Variants in PDE7B observed in about 807,000 individuals in gnomAD.
PDE7B encodes 3',5'-cyclic-AMP phosphodiesterase 7B.
Under a neutral mutation model 56.2 loss-of-function variants are expected in PDE7B, and 29 were observed. The ratio of observed to expected loss-of-function variants is 0.52; its 90% confidence interval spans 0.38 to 0.70. The LOEUF (loss-of-function observed/expected upper bound fraction) is 0.70. Ranked by LOEUF, PDE7B falls within the 30% of genes least tolerant of loss-of-function variation. The pLI, the probability that PDE7B is intolerant of heterozygous loss-of-function variation, is 0.00. For missense variants in PDE7B, 490 were observed against 565.0 expected, an observed-to-expected ratio of 0.87 and a Z score of 1.35; for synonymous variants, 197 against 196.9, an observed-to-expected ratio of 1.00 and a Z score of 0.00.
chr6:136,051,854 T>TA lies in PDE7B; in HGVS notation c.83-56876dup, dbSNP rs1270199247. Reference sequence around the variant, plus strand: ...CCATTGCCCACCACAACAATATACTTACGGGCTGGTTAGATATAAATGATA... The same window carrying TA: ...CCATTGCCCACCACAACAATATACTTAACGGGCTGGTTAGATATAAATGATA... On this transcript the variant is annotated intron_variant, in intron 2 of 12. Transcript: ENST00000308191. 2.6e-5 allele frequency among the ~76,000 whole-genome samples: 4 copies of TA among 152,226 alleles called. No individual in the cohort carries two copies. In the East Asian group the frequency reaches 7.7e-4, roughly 29 times the overall value.
intron 1 of PDE7B, among the ~76,000 whole-genome samples, chr6:135,860,194 C>A (rs745796825): frequency 3.3e-5 from 5 of 151,950 alleles, no homozygotes; most frequent in Non-Finnish European, 4.4e-5. Context: ...ACTTTAAAGG[C>A]AAGGAAATTG....
At chr6:136,079,270 TCTGG>T (rs1237622675) in intron 2 of PDE7B, among the ~76,000 whole-genome samples, 1 of 152,188 alleles carries the variant, frequency 6.6e-6, no homozygotes, top group African/African-American at 2.4e-5. Context: ...ATGGCAGTAC[TCTGG>T]CTTTGTTCTC....
chr6:136,007,201 T>A (rs565822293), intron 2 of PDE7B, among the ~76,000 whole-genome samples: 2 of 152,228 alleles, frequency 1.3e-5, no homozygotes, highest in Non-Finnish European at 2.9e-5. Flanking sequence ...GTTTATGTAA[T>A]GCATCACATT....
At chr6:135,978,335 T>C (rs1775228288) in intron 2 of PDE7B, among the ~76,000 whole-genome samples, 1 of 152,104 alleles carries the variant, frequency 6.6e-6, no homozygotes, top group Non-Finnish European at 1.5e-5. Flanking sequence ...TTACCGTAAA[T>C]GGAGCTTGCA....
At position 136,148,653 on chromosome 6, in the gene PDE7B, A is replaced by C. The variant is rs773787227; in HGVS notation, c.319-434A>C. The stretch of plus-strand genomic sequence containing the variant: ...TGTTTGCTTGTTTGTTGAGAGGAGA[A>C]CAAGCCTTAACTTCCCCAGCCCTGG... On this transcript the variant is annotated intron_variant, in intron 4 of 12. Coordinates refer to ENST00000308191, the MANE Select transcript of PDE7B (RefSeq NM_018945.4). Among the ~76,000 whole-genome samples, 38 of 152,194 alleles carry C rather than the reference A, an allele frequency of 2.5e-4. 1 individual carries two copies. The highest frequency in any genetic ancestry group is 4.7e-4 in the Non-Finnish European group (32 of 67,992).
intron 1 of PDE7B, among the ~76,000 whole-genome samples, chr6:135,860,539 G>A (rs910580134): frequency 2.0e-5 from 3 of 151,950 alleles, no homozygotes; most frequent in African/African-American, 4.8e-5. Flanking sequence ...ATAATTTGGC[G>A]ACATTCAGTA....
chr6:136,091,064 G>A (rs949942565), intron 2 of PDE7B, among the ~76,000 whole-genome samples: 2 of 152,154 alleles, frequency 1.3e-5, no homozygotes, highest in African/African-American at 2.4e-5. Flanking sequence ...ATTTGCTTTT[G>A]CCTCATGTGT....
At chr6:136,178,250 G>T (rs1316191803) in intron 9 of PDE7B, among the ~76,000 whole-genome samples, 2 of 152,068 alleles carry the variant, frequency 1.3e-5, no homozygotes, top group African/African-American at 2.4e-5. Context: ...TGGTTACAAG[G>T]TGTTCATTTT....
chr6:136,189,247 C>G (rs1321906103), intron 12 of PDE7B, among the ~76,000 whole-genome samples: 2 of 152,090 alleles, frequency 1.3e-5, no homozygotes, highest in South Asian at 2.1e-4. Flanking sequence ...GCTTCCCTCT[C>G]TCTACCAAAT....
In PDE7B at chr6:136,048,756, C is replaced by T. The variant is rs73564626; in HGVS notation, c.83-59975C>T. Among the ~76,000 whole-genome samples the T allele has an allele frequency of 2.7e-3, 417 of 152,178 alleles. 1 individual carries two copies. The highest frequency in any genetic ancestry group is 9.5e-3 in the African/African-American group (396 of 41,512). ...GGTGGAGTTAGGGTGAGCATACTAA[C>T]GAATATGTATAACCATAGTGGCATT... On this transcript the variant is annotated intron_variant, in intron 2 of 12. Coordinates refer to ENST00000308191, the MANE Select transcript of PDE7B (RefSeq NM_018945.4).
intron 1 of PDE7B, among the ~76,000 whole-genome samples, chr6:135,929,635 A>C (rs1428155414): frequency 6.6e-6 from 1 of 152,152 alleles, no homozygotes; most frequent in Non-Finnish European, 1.5e-5. Context: ...TTAAAAGTAC[A>C]TATGTGACTT....
intron 2 of PDE7B, among the ~76,000 whole-genome samples, chr6:135,963,621 C>T (rs1293609522): frequency 6.6e-6 from 1 of 152,098 alleles, no homozygotes; most frequent in Non-Finnish European, 1.5e-5. Flanking sequence ...TTTTGTCCTG[C>T]ATTTTACAGC....
chr6:136,123,453 A>G (rs990784627), intron 3 of PDE7B, among the ~76,000 whole-genome samples: 9 of 152,234 alleles, frequency 5.9e-5, no homozygotes, highest in African/African-American at 1.9e-4. Flanking sequence ...AAACTATCTC[A>G]ACGTTCACAT....
chr6:136,146,892 G>T (rs1436347981), intron 3 of PDE7B, among the ~76,000 whole-genome samples: 1 of 152,094 alleles, frequency 6.6e-6, no homozygotes. Context: ...TACTAGTTAG[G>T]CCGGGTGCAG....
rs1241703619 is a variant in PDE7B, at chr6:135,917,595, TTTG to T, written c.22-29860_22-29858del. On this transcript the variant is annotated intron_variant, in intron 1 of 12. Transcript: ENST00000308191. ...GTCATTTCAAGTCTGCCTCTATTGA[TTTG>T]TTGTTGTTTTTTTTTTATTGTTGTT... Among the ~76,000 whole-genome samples, 7 of 151,562 alleles carry T rather than the reference TTTG, an allele frequency of 4.6e-5. 1 individual carries two copies. Among genetic ancestry groups the T allele is most frequent in the African/African-American group, 9.8e-5 (4 of 41,016 alleles).
chr6:136,038,142 C>CG (rs34030857), intron 2 of PDE7B: 374,438 of 1,300,528 alleles, frequency 0.29, 56,604 homozygotes, highest in East Asian at 0.54. Flanking sequence ...GAGGATCTTA[C>CG]GGGGGTTCGC....
chr6:135,982,645 A>T (rs779492884), intron 2 of PDE7B, among the ~76,000 whole-genome samples: 6 of 152,168 alleles, frequency 3.9e-5, no homozygotes, highest in Non-Finnish European at 5.9e-5. Flanking sequence ...TCTGGGATGA[A>T]GCCCAAGATT....
chr6:136,117,897 GTCA>G (rs1777867193), intron 3 of PDE7B, among the ~76,000 whole-genome samples: 2 of 146,550 alleles, frequency 1.4e-5, no homozygotes, highest in African/African-American at 5.6e-5. Context: ...AGCTCACTAA[GTCA>G]TCATCAATAG....
chr6:136,038,149 T>A (rs1776356454), intron 2 of PDE7B: 1 of 1,300,348 alleles, frequency 7.7e-7, no homozygotes, highest in African/African-American at 1.5e-5. Flanking sequence ...TTACGGGGGT[T>A]CGCTTTTCCC....
Sources: gnomAD v4.1 joint callset for allele counts (sites outside exome capture counted in the v4.1 genomes callset) on GRCh38, gnomAD v4.1.1 for gene constraint, MANE v1.5 for transcripts, NCBI Gene and HGNC (gene_info 2026-07-23, HGNC 2026-07-21) for gene names.